PTPRD: variants seen among roughly 807,000 people sequenced by gnomAD.
PTPRD encodes the protein receptor-type tyrosine-protein phosphatase delta.
Under a neutral mutation model 214.5 loss-of-function variants are expected in PTPRD, and 34 were observed. The ratio of observed to expected loss-of-function variants is 0.16; its 90% CI spans 0.12 to 0.21. The LOEUF is 0.21. Ranked by LOEUF, PTPRD falls within the 10% of genes least tolerant of loss-of-function variation. PTPRD has a pLI of 1.00. For missense variants in PTPRD, 2,545 were observed against 2,398.7 expected (o/e 1.06, Z -1.27); for synonymous variants, 1,128 against 845.7 (o/e 1.33, Z -5.79).
chr9:10,100,786 C>G (rs72694852), intron 3 of PTPRD, among the ~76,000 whole-genome samples: 1 of 151,410 alleles, frequency 6.6e-6, no homozygotes, highest in Non-Finnish European at 1.5e-5. Context: ...ACCTATTGAT[C>G]CTATAAGCTG....
At chr9:9,711,149 T>C (rs2097721310) in intron 7 of PTPRD, among the ~76,000 whole-genome samples, 1 of 152,230 alleles carries the variant, frequency 6.6e-6, no homozygotes, top group African/African-American at 2.4e-5. Context: ...CTAATCATTC[T>C]AAAACATATG....
At chr9:10,183,462 T>C (rs77206725) in intron 3 of PTPRD, among the ~76,000 whole-genome samples, 14 of 152,194 alleles carry the variant, frequency 9.2e-5, no homozygotes, top group Non-Finnish European at 1.9e-4. Context: ...ACTGTTAATG[T>C]TTTTTAAATG....
intron 10 of PTPRD, among the ~76,000 whole-genome samples, chr9:9,037,526 A>G (rs1319453503): frequency 6.6e-6 from 1 of 152,104 alleles, no homozygotes; most frequent in Non-Finnish European, 1.5e-5. Context: ...ACATGGTAAA[A>G]CTTCCGTGCT....
intron 7 of PTPRD, among the ~76,000 whole-genome samples, chr9:9,623,606 G>T (rs1053841455): frequency 1.3e-5 from 2 of 152,068 alleles, no homozygotes; most frequent in African/African-American, 4.8e-5. Flanking sequence ...GTGTCACACC[G>T]TGGGAAATAA....
intron 9 of PTPRD, among the ~76,000 whole-genome samples, chr9:9,202,851 T>C (rs2132373939): frequency 6.6e-6 from 1 of 152,326 alleles, no homozygotes; most frequent in South Asian, 2.1e-4. Context: ...AAGAGTGCTT[T>C]TCTAACTGTT....
At chr9:8,826,758 T>C (rs2097183981) in intron 11 of PTPRD, among the ~76,000 whole-genome samples, 1 of 151,958 alleles carries the variant, frequency 6.6e-6, no homozygotes, top group Non-Finnish European at 1.5e-5. Flanking sequence ...CACCAGTAAA[T>C]GCCCAGTGTT....
chr9:9,924,895 C>A (rs575731263), intron 5 of PTPRD, among the ~76,000 whole-genome samples: 1 of 152,152 alleles, frequency 6.6e-6, no homozygotes, highest in African/African-American at 2.4e-5. Flanking sequence ...ACCTTCTGTC[C>A]TTGCTTTCAA....
At chr9:8,833,622 G>A (rs529858461) in intron 11 of PTPRD, among the ~76,000 whole-genome samples, 8 of 149,292 alleles carry the variant, frequency 5.4e-5, no homozygotes, top group African/African-American at 7.4e-5. Flanking sequence ...ACTCTACTCA[G>A]TGAATGATGC....
chr9:8,509,315 A>G (rs184027522), intron 21 of PTPRD, among the ~76,000 whole-genome samples: 150 of 152,348 alleles, frequency 9.8e-4, no homozygotes, highest in Non-Finnish European at 1.6e-3. Context: ...GTGACCAGAT[A>G]GATGGGAAAA....
At chr9:8,829,969 G>C (rs1428935015) in intron 11 of PTPRD, among the ~76,000 whole-genome samples, 1 of 152,064 alleles carries the variant, frequency 6.6e-6, no homozygotes, top group Admixed American at 6.6e-5. Flanking sequence ...TGAGACAACA[G>C]ACCTTTCAGA....
intron 7 of PTPRD, among the ~76,000 whole-genome samples, chr9:9,577,668 A>G (rs2089351320): frequency 6.6e-6 from 1 of 152,174 alleles, no homozygotes; most frequent in Admixed American, 6.6e-5. Context: ...CAGTTATTAA[A>G]CTGTCAGAGA....
At chr9:9,995,247 T>C (rs2096079146) in intron 4 of PTPRD, among the ~76,000 whole-genome samples, 1 of 152,136 alleles carries the variant, frequency 6.6e-6, no homozygotes, top group Admixed American at 6.6e-5. Context: ...TTTCTTTAGG[T>C]AAAATAGGGC....
At chr9:9,354,482 T>C (rs2052864165) in intron 9 of PTPRD, among the ~76,000 whole-genome samples, 1 of 151,594 alleles carries the variant, frequency 6.6e-6, no homozygotes, top group African/African-American at 2.4e-5. Context: ...ATATTGGCTT[T>C]ACAATTCAAT....
chr9:9,477,946 A>G (rs1485977432), intron 8 of PTPRD, among the ~76,000 whole-genome samples: 9 of 152,320 alleles, frequency 5.9e-5, no homozygotes, highest in Admixed American at 5.2e-4. Context: ...TGATTTGTGT[A>G]TCTTCTAAAA....
chr9:8,735,634 G>A (rs1290392728), intron 11 of PTPRD, among the ~76,000 whole-genome samples: 1 of 152,158 alleles, frequency 6.6e-6, no homozygotes, highest in Non-Finnish European at 1.5e-5. Context: ...TCAGAGTCAG[G>A]CGCAGTGGCT....
intron 8 of PTPRD, among the ~76,000 whole-genome samples, chr9:9,429,551 T>G (rs544230685): frequency 6.6e-6 from 1 of 152,322 alleles, no homozygotes; most frequent in East Asian, 1.9e-4. Context: ...ACTCATTTTA[T>G]GAGGCCAGCA....
chr9:9,842,825 T>C (rs1230360528), intron 5 of PTPRD, among the ~76,000 whole-genome samples: 2 of 151,896 alleles, frequency 1.3e-5, no homozygotes, highest in Non-Finnish European at 2.9e-5. Flanking sequence ...TTTTATTTGA[T>C]CTTCAGTGGA....
chr9:9,437,714 T>C (rs1026535769), intron 8 of PTPRD, among the ~76,000 whole-genome samples: 3 of 152,188 alleles, frequency 2.0e-5, no homozygotes, highest in East Asian at 1.9e-4. Context: ...GTATCCATGG[T>C]GGTATATCTA....
intron 12 of PTPRD, among the ~76,000 whole-genome samples, chr9:8,660,697 T>G (rs1424842254): frequency 6.6e-6 from 1 of 152,166 alleles, no homozygotes; most frequent in Non-Finnish European, 1.5e-5. Context: ...ACTCTGCATT[T>G]GGTCCTGCTA....
Sources: allele counts gnomAD v4.1 joint callset (sites outside exome capture counted in the v4.1 genomes callset), GRCh38; gene constraint gnomAD v4.1.1; transcripts MANE v1.5; gene names NCBI Gene and HGNC (gene_info 2026-07-23, HGNC 2026-07-21).